Variants in IQSEC1 observed in about 807,000 individuals in gnomAD.
IQSEC1 encodes IQ motif and Sec7 domain ArfGEF 1.
Under a neutral mutation model 91.0 loss-of-function variants are expected in IQSEC1, and 31 were observed. The observed-to-expected ratio is 0.34, with a 90% CI of 0.26 to 0.46. The LOEUF is 0.46. Ranked by LOEUF, IQSEC1 falls within the 20% of genes least tolerant of loss-of-function variation. IQSEC1 has a pLI of 1.00. For missense variants in IQSEC1, 1,388 were observed against 1,575.6 expected (o/e 0.88, Z 2.02); for synonymous variants, 699 against 662.6 (o/e 1.05, Z -0.84).
Position 12,983,193 on chromosome 3 carries a change from T to A in IQSEC1, c.24-41328A>T, listed in dbSNP as rs1363181813. On this transcript the variant is annotated intron_variant, in intron 1 of 13. Transcript: ENST00000613206. This position sits in a 1 kb window ranked among gnomAD's most constrained non-coding sequence, Gnocchi z 4.3. ...CATAATCCAGATCTGAACTGGGTGC[T>A]CCAGCTCCAGCACCTAAGCCCCATC... Among the ~76,000 whole-genome samples the A allele has an allele frequency of 6.6e-6, 1 of 152,192 alleles. No individual in the cohort carries two copies. The highest frequency in any genetic ancestry group is 1.5e-5 in the Non-Finnish European group (1 of 68,030).
chr3:12,910,553 C>T (rs995993298), intron 10 of IQSEC1, among the ~76,000 whole-genome samples: 7 of 152,360 alleles, frequency 4.6e-5, no homozygotes, highest in African/African-American at 1.4e-4. Context: ...GCATGACTTG[C>T]AGCCTGCGAT....
chr3:13,060,747 A>G (rs942118418), intron 1 of IQSEC1, among the ~76,000 whole-genome samples: 1 of 152,190 alleles, frequency 6.6e-6, no homozygotes, highest in Admixed American at 6.5e-5. Context: ...CGGGAGACTC[A>G]TCAGCCGGAA....
chr3:13,204,122 T>C (rs1352992586), intron 1 of IQSEC1, among the ~76,000 whole-genome samples: 1 of 151,980 alleles, frequency 6.6e-6, no homozygotes, highest in African/African-American at 2.4e-5. Flanking sequence ...GCCGCAGGGG[T>C]AACTCTCCAC....
chr3:13,069,403 G>T (rs75823886), intron 1 of IQSEC1, among the ~76,000 whole-genome samples: 16,865 of 152,180 alleles, frequency 0.11, 1,293 homozygotes, highest in East Asian at 0.28. Flanking sequence ...GTGTGTGTGT[G>T]TGGAATGTTC....
intron 1 of IQSEC1, among the ~76,000 whole-genome samples, chr3:13,274,147 G>A (rs1413498380): frequency 6.6e-6 from 1 of 152,168 alleles, no homozygotes. Context: ...GCCTCGGGCT[G>A]TTCATGGGCC....
At chr3:13,123,906 C>T (rs751336307) in intron 2 of IQSEC1, among the ~76,000 whole-genome samples, 1 of 152,200 alleles carries the variant, frequency 6.6e-6, no homozygotes, top group Admixed American at 6.5e-5. Flanking sequence ...CCATGGCTCT[C>T]GAGCCAAATC....
intron 1 of IQSEC1, among the ~76,000 whole-genome samples, chr3:13,219,530 C>T (rs543130744): frequency 2.6e-5 from 4 of 152,376 alleles, no homozygotes; most frequent in Admixed American, 6.5e-5. Context: ...CCTCGCAGAG[C>T]GCTGCCTCAT....
chr3:13,117,688 C>T (rs776447129), intron 2 of IQSEC1, among the ~76,000 whole-genome samples: 4 of 150,930 alleles, frequency 2.7e-5, no homozygotes, highest in Non-Finnish European at 5.9e-5. Flanking sequence ...AGTTCGAGAC[C>T]AGCCTGGCCA....
intron 2 of IQSEC1, among the ~76,000 whole-genome samples, chr3:13,118,946 G>A (rs1472675883): frequency 3.3e-5 from 5 of 152,138 alleles, no homozygotes; most frequent in African/African-American, 9.6e-5. Context: ...AGTGGCACTC[G>A]CCTGTAGCCC....
intron 1 of IQSEC1, among the ~76,000 whole-genome samples, chr3:13,039,540 G>A (rs80252229): frequency 0.014 from 2,060 of 152,320 alleles, 60 homozygotes; most frequent in African/African-American, 0.046. Context: ...GGAAGGATCC[G>A]TTTGGGTGAG....
intron 1 of IQSEC1, among the ~76,000 whole-genome samples, chr3:13,019,444 C>A (rs1040117497): frequency 2.0e-5 from 3 of 152,218 alleles, no homozygotes; most frequent in Non-Finnish European, 4.4e-5. Flanking sequence ...GCTGTCCGAT[C>A]GCAACCCTCC....
rs951691012 is a variant in IQSEC1 at position 13,101,066 on chromosome 3, T to C, written c.303-53544A>G. 6.5e-5 allele frequency among the ~76,000 whole-genome samples: 8 copies of C among 122,422 alleles called. 1 individual carries two copies. The highest frequency in any genetic ancestry group is 2.1e-4 in the African/African-American group (6 of 28,870). The allele number at this position is 122,422 out of a possible 152,430, so 80.3% of individuals were successfully genotyped here. A position where few individuals can be genotyped will look rare whatever the true frequency, so the allele number is the denominator to read the frequency against. On this transcript the variant is annotated intron_variant, in intron 2 of 15. Coordinates refer to the IQSEC1 transcript ENST00000648114. ...GCCGAGAGGCTGGGAGGGACTGAGC[T>C]GGGAAGAGGAGGTGGAAGAGGGAGG...
intron 1 of IQSEC1, among the ~76,000 whole-genome samples, chr3:13,221,445 C>G (rs889523394): frequency 6.6e-6 from 1 of 152,210 alleles, no homozygotes; most frequent in African/African-American, 2.4e-5. Context: ...CAAGCATCCT[C>G]AGGGGGCACA....
upstream of IQSEC1, among the ~76,000 whole-genome samples, chr3:13,074,668 T>C (rs1705533565): frequency 6.6e-6 from 1 of 152,224 alleles, no homozygotes; most frequent in South Asian, 2.1e-4. Flanking sequence ...GTCTTGGTTC[T>C]TGACTGCTTG....
intron 1 of IQSEC1, among the ~76,000 whole-genome samples, chr3:13,044,767 G>A (rs1374768520): frequency 1.3e-5 from 2 of 152,194 alleles, no homozygotes; most frequent in African/African-American, 4.8e-5. Flanking sequence ...GCCTTTGAAA[G>A]GCAGCAATTA....
At chr3:13,146,864 G>A (rs1196845494) in intron 2 of IQSEC1, among the ~76,000 whole-genome samples, 1 of 152,138 alleles carries the variant, frequency 6.6e-6, no homozygotes, top group African/African-American at 2.4e-5. Flanking sequence ...TTGTCAATGT[G>A]GCAATCCTGC....
rs1047987303 is a variant in IQSEC1, at chr3:13,253,513, T to C, written c.272+29198A>G. Among the ~76,000 whole-genome samples the C allele has an allele frequency of 2.0e-5, 3 of 152,204 alleles. No individual in the cohort carries two copies. In the East Asian group the frequency reaches 5.8e-4, roughly 29 times the overall value. On this transcript the variant is annotated intron_variant, in intron 1 of 15. Transcript: ENST00000648114. ...GCTGAATGAAGCTTCGGTAATACTC[T>C]GCTTTCAACTCATTTCCCCGCTGCC...
intron 12 of IQSEC1, among the ~76,000 whole-genome samples, chr3:12,906,298 G>A (rs973560027): frequency 1.3e-5 from 2 of 152,096 alleles, no homozygotes; most frequent in South Asian, 4.1e-4. Context: ...TGAGGGCCGT[G>A]GTGAGTGAGG....
chr3:13,117,970 C>A (rs775181394), intron 2 of IQSEC1, among the ~76,000 whole-genome samples: 82 of 152,140 alleles, frequency 5.4e-4, no homozygotes, highest in Admixed American at 1.3e-3. Context: ...ATCAGAGAAA[C>A]CGGGCCCCCT....
Sources: allele counts gnomAD v4.1 joint callset (sites outside exome capture counted in the v4.1 genomes callset), GRCh38; gene constraint gnomAD v4.1.1; non-coding constraint Gnocchi (gnomAD v3.1); transcripts MANE v1.5; gene names NCBI Gene and HGNC (gene_info 2026-07-23, HGNC 2026-07-21).